CALN1: variants seen among roughly 807,000 people sequenced by gnomAD.
The protein encoded by CALN1 is calcium-binding protein 8.
A neutral mutation model predicts 30.6 loss-of-function variants in CALN1; 17 were observed. The observed-to-expected ratio is 0.56, with a 90% CI of 0.38 to 0.83. The LOEUF is 0.83. CALN1 is among the 40% of genes least tolerant of loss of function. The pLI, the probability that CALN1 is intolerant of heterozygous loss-of-function variation, is 0.00. For missense variants in CALN1, 291 were observed against 354.9 expected (o/e 0.82, Z 1.45); for synonymous variants, 156 against 131.4 (o/e 1.19, Z -1.28).
At chr7:71,791,768 G>A (rs1004412602) in intron 6 of CALN1, among the ~76,000 whole-genome samples, 1 of 152,172 alleles carries the variant, frequency 6.6e-6, no homozygotes, top group Non-Finnish European at 1.5e-5. Flanking sequence ...TCAGCACTTT[G>A]GGAGGCCGAG....
chr7:72,297,014 A>C (rs1798910401), intron 2 of CALN1, among the ~76,000 whole-genome samples: 1 of 151,546 alleles, frequency 6.6e-6, no homozygotes, highest in African/African-American at 2.4e-5. Flanking sequence ...TTTAATTGTG[A>C]TGTTAGGGTG....
At chr7:72,031,731 CTAAT>C (rs1387631841) in intron 4 of CALN1, among the ~76,000 whole-genome samples, 6 of 140,422 alleles carry the variant, frequency 4.3e-5, no homozygotes, top group East Asian at 2.1e-4. Context: ...CCACGCCTGG[CTAAT>C]TTTTTTTTTT....
At chr7:72,338,901 T>C (rs913203290) in intron 2 of CALN1, among the ~76,000 whole-genome samples, 3 of 150,952 alleles carry the variant, frequency 2.0e-5, no homozygotes, top group African/African-American at 7.4e-5. Context: ...TCATTCTAAC[T>C]TGTTTTTTTT....
At chr7:72,436,813 C>G (rs1432012219) in intron 1 of CALN1, among the ~76,000 whole-genome samples, 1 of 152,178 alleles carries the variant, frequency 6.6e-6, no homozygotes, top group Non-Finnish European at 1.5e-5. Flanking sequence ...CCCAGCCCTA[C>G]TGAATCAGAA....
intron 5 of CALN1, among the ~76,000 whole-genome samples, chr7:71,879,725 T>C (rs1004698452): frequency 2.0e-5 from 3 of 152,144 alleles, no homozygotes; most frequent in Non-Finnish European, 2.9e-5. Flanking sequence ...AGGGTAACCA[T>C]GGCAACCTGC....
chr7:71,845,529 T>C (rs915780399), intron 5 of CALN1, among the ~76,000 whole-genome samples: 2 of 152,190 alleles, frequency 1.3e-5, no homozygotes, highest in South Asian at 2.1e-4. Context: ...CCTCTGCTGT[T>C]TGGCCTTATT....
intron 5 of CALN1, among the ~76,000 whole-genome samples, chr7:71,997,136 G>C (rs757453940): frequency 2.0e-5 from 3 of 152,130 alleles, no homozygotes; most frequent in African/African-American, 7.2e-5. Flanking sequence ...GAGTGACTGA[G>C]GCAGGAGGAT....
intron 3 of CALN1, among the ~76,000 whole-genome samples, chr7:72,195,875 T>G (rs1286714169): frequency 6.6e-6 from 1 of 152,188 alleles, no homozygotes; most frequent in Non-Finnish European, 1.5e-5. Flanking sequence ...TATTGGTATA[T>G]CTATCCAATG....
At chr7:72,251,439 C>T (rs1281189009) in intron 3 of CALN1, among the ~76,000 whole-genome samples, 2 of 151,968 alleles carry the variant, frequency 1.3e-5, no homozygotes, top group East Asian at 1.9e-4. Flanking sequence ...TGCTCTGTTG[C>T]CCAGGCCAGA....
intron 2 of CALN1, among the ~76,000 whole-genome samples, chr7:72,287,471 A>T (rs974294787): frequency 2.8e-5 from 3 of 108,106 alleles, no homozygotes; most frequent in South Asian, 3.2e-4. Flanking sequence ...TTTGAGACAG[A>T]GTCTCGGCTC....
At chr7:72,192,616 C>G (rs1322852224) in intron 3 of CALN1, among the ~76,000 whole-genome samples, 1 of 148,932 alleles carries the variant, frequency 6.7e-6, no homozygotes, top group African/African-American at 2.5e-5. Context: ...ATTGGGAGAT[C>G]CCATTTCTTT....
chr7:71,838,276 AAG>A (rs1195803142), intron 5 of CALN1, among the ~76,000 whole-genome samples: 5 of 152,206 alleles, frequency 3.3e-5, no homozygotes. Flanking sequence ...GCTTGTAGTT[AAG>A]AGATCATTTT....
At chr7:71,790,334 GAAAGAAAGAAAGA>G (rs1793266889) in intron 6 of CALN1, among the ~76,000 whole-genome samples, 1 of 63,362 alleles carries the variant, frequency 1.6e-5, no homozygotes, top group Non-Finnish European at 3.3e-5. Context: ...AAGAAGGAAA[GAAAGAAAGAAAGA>G]AAAGAAAGAA....
At chr7:72,055,771 G>A (rs944902499) in intron 4 of CALN1, among the ~76,000 whole-genome samples, 1 of 152,146 alleles carries the variant, frequency 6.6e-6, no homozygotes, top group Non-Finnish European at 1.5e-5. Context: ...TAACGCTCTG[G>A]GGGGCTGAGG....
rs374711251 is a variant in CALN1, at chr7:72,373,698, G to C, written c.119+29553C>G. ...CAACCTAAAGATCCTTTCAACTTAAGGTTGGTTTATCAGGATGTAACTCCA... is the reference window on the plus strand; with the variant it reads ...CAACCTAAAGATCCTTTCAACTTAACGTTGGTTTATCAGGATGTAACTCCA... On this transcript the variant is annotated intron_variant, in intron 2 of 6. Transcript: ENST00000395275. Among the ~76,000 whole-genome samples the C allele has an allele frequency of 4.6e-5, 7 of 152,282 alleles. No individual in the cohort carries two copies. The East Asian group carries it at 1.2e-3, about 25-fold the overall frequency.
At position 72,182,769 on chromosome 7, in the gene CALN1, T is replaced by TAAAA. The variant is rs111446877; in HGVS notation, c.245-76479_245-76476dup. Among the ~76,000 whole-genome samples the TAAAA allele has an allele frequency of 1.7e-4, 24 of 143,204 alleles. No homozygotes were observed. In the East Asian group the frequency reaches 2.0e-3, roughly 12 times the overall value. 93.9% of individuals were successfully genotyped at this position (143,204 alleles called of 152,430 possible). A position where few individuals can be genotyped will look rare whatever the true frequency, so the allele number is the denominator to read the frequency against. The stretch of plus-strand genomic sequence containing the variant: ...AATGACAAAAATTCTACCAATGTTG[T>TAAAA]AAAAAAAAAAACAAACAAAAATAGA... On this transcript the variant is annotated intron_variant, in intron 3 of 6. Coordinates refer to ENST00000395275, the MANE Select transcript of CALN1 (RefSeq NM_031468.4).
In CALN1 at chr7:71,810,392, T is replaced by C. The variant is rs911140713; in HGVS notation, c.602A>G (p.Asn201Ser). 12 of 1,614,048 alleles carry C rather than the reference T, an allele frequency of 7.4e-6. 1 individual carries two copies. The highest frequency in any genetic ancestry group is 2.2e-5 in the East Asian group (1 of 44,894). The change falls in exon 6 of 7, where the codon AAT becomes AGT. Residue 201 changes from asparagine (N) to serine (S), a missense_variant. This residue lies in a region of CALN1 where 169 missense variants were observed against 251.7 expected (regional missense o/e 0.67). Transcript: ENST00000395275. ...GGTCTCATTCAGGCTCTCTTCCTCATTGATAATGATGTTCTCAATGTCCTT... is the reference window on the plus strand; with the variant it reads ...GGTCTCATTCAGGCTCTCTTCCTCACTGATAATGATGTTCTCAATGTCCTT... ...TMKDIENIII[N>S]EEESLNETSG...
At chr7:72,128,163 T>A (rs932665026) in intron 3 of CALN1, among the ~76,000 whole-genome samples, 2 of 152,214 alleles carry the variant, frequency 1.3e-5, no homozygotes. Context: ...TATTAAAAGA[T>A]ATTTATTACA....
At chr7:72,278,009 G>A (rs1174100411) in intron 3 of CALN1, among the ~76,000 whole-genome samples, 2 of 69,016 alleles carry the variant, frequency 2.9e-5, no homozygotes, top group African/African-American at 9.4e-5. Context: ...CCTCTATTCC[G>A]GGGGGGGGGG....
Sources: gnomAD v4.1 joint callset for allele counts (sites outside exome capture counted in the v4.1 genomes callset) on GRCh38, gnomAD v4.1.1 for gene constraint, gnomAD v4.1.1 regional missense constraint, MANE v1.5 for transcripts, NCBI Gene and HGNC (gene_info 2026-07-23, HGNC 2026-07-21) for gene names.